The following SLC16A7 variants were observed in gnomAD, a reference collection of about 807,000 sequenced individuals.
The protein encoded by SLC16A7 is monocarboxylate transporter 2.
SLC16A7 carries 33 observed loss-of-function variants against 34.9 expected under a neutral mutation model. That is an observed-to-expected ratio of 0.94 (90% CI 0.72 to 1.26). SLC16A7 has a LOEUF of 1.26. Among genes scored for constraint, SLC16A7 ranks in the 50% most tolerant of loss-of-function variants. The pLI is 0.00. For missense variants in SLC16A7, 573 were observed against 578.1 expected, an observed-to-expected ratio of 0.99 and a Z score of 0.09; for synonymous variants, 201 against 206.6, an observed-to-expected ratio of 0.97 and a Z score of 0.23.
intron 2 of SLC16A7, among the ~76,000 whole-genome samples, chr12:59,663,560 G>A (rs1041762307): frequency 7.9e-5 from 12 of 151,924 alleles, no homozygotes; most frequent in African/African-American, 1.2e-4. Flanking sequence ...ACCTTGTTTC[G>A]TTGGGACAAA....
chr12:59,737,871 A>G (rs943870344), intron 3 of SLC16A7, among the ~76,000 whole-genome samples: 1 of 152,212 alleles, frequency 6.6e-6, no homozygotes, highest in African/African-American at 2.4e-5. Flanking sequence ...CCAATGGTTT[A>G]GCATATCAGC....
intron 3 of SLC16A7, among the ~76,000 whole-genome samples, chr12:59,746,915 C>T (rs1171507780): frequency 3.3e-5 from 5 of 152,148 alleles, no homozygotes; most frequent in Non-Finnish European, 7.3e-5. Flanking sequence ...TTGCTGCAGT[C>T]TCAAACTCTT....
At chr12:59,684,810 G>A (rs543583207) in intron 2 of SLC16A7, among the ~76,000 whole-genome samples, 1 of 152,200 alleles carries the variant, frequency 6.6e-6, no homozygotes, top group East Asian at 1.9e-4. Flanking sequence ...TTGATGCCTG[G>A]CATTATTGAT....
At chr12:59,674,801 A>G (rs916528137) in intron 2 of SLC16A7, among the ~76,000 whole-genome samples, 1 of 152,200 alleles carries the variant, frequency 6.6e-6, no homozygotes, top group Non-Finnish European at 1.5e-5. Context: ...TCAAGATAGA[A>G]GTCATGCTAC....
Position 59,783,402 on chromosome 12 carries a change from G to C in SLC16A7, c.*3723G>C, listed in dbSNP as rs1422172112. The C allele has an allele frequency of 6.6e-6, 1 of 152,068 alleles. No homozygotes were observed. Among genetic ancestry groups the C allele is most frequent in the African/African-American group, 2.4e-5 (1 of 41,414 alleles). 9.4% of individuals were successfully genotyped at this position (152,068 alleles called of 1,614,324 possible). A position where few individuals can be genotyped will look rare whatever the true frequency, so the allele number is the denominator to read the frequency against. On this transcript the variant is annotated 3_prime_UTR_variant, in exon 6 of 6. Transcript: ENST00000547379. ...AAACAAGCTCAGCAGACTACCCAAA[G>C]TTAAAAGGTAGTATGAACCAAAATT...
rs1883517416 is a variant in SLC16A7, at chr12:59,785,084, C to T, written c.*5405C>T. 1 of 152,244 alleles carries T rather than the reference C, an allele frequency of 6.6e-6. No individual in the cohort carries two copies. The highest frequency in any genetic ancestry group is 6.5e-5 in the Admixed American group (1 of 15,280). 9.4% of individuals were successfully genotyped at this position (152,244 alleles called of 1,614,324 possible). A position where few individuals can be genotyped will look rare whatever the true frequency, so the allele number is the denominator to read the frequency against. On this transcript the variant is annotated 3_prime_UTR_variant, in exon 6 of 6. Coordinates refer to ENST00000547379, the MANE Select transcript of SLC16A7 (RefSeq NM_001270623.2). ...GATTTCTGCACAACCATATGCAGAA[C>T]TCATGTTTGAGAAGGCACTTAAAAG...
chr12:59,625,886 T>A (rs1035209188), intron 1 of SLC16A7, among the ~76,000 whole-genome samples: 2 of 151,668 alleles, frequency 1.3e-5, no homozygotes, highest in Non-Finnish European at 2.9e-5. Context: ...GGGGAAAAAA[T>A]TACCATATAA....
chr12:59,704,206 AAAAAAAAAAAAAG>A (rs1873249033), intron 2 of SLC16A7, among the ~76,000 whole-genome samples: 1 of 146,812 alleles, frequency 6.8e-6, no homozygotes. Context: ...TCTCAAAAAA[AAAAAAAAAAAAAG>A]AAAAAGAAAA....
At chr12:59,625,253 C>T (rs1879876950) in intron 1 of SLC16A7, among the ~76,000 whole-genome samples, 1 of 151,724 alleles carries the variant, frequency 6.6e-6, no homozygotes, top group Admixed American at 6.6e-5. Context: ...TCATGGACTA[C>T]CAATTTTCCA....
At chr12:59,654,113 A>T (rs750070647) in intron 1 of SLC16A7, among the ~76,000 whole-genome samples, 1 of 151,324 alleles carries the variant, frequency 6.6e-6, no homozygotes. Flanking sequence ...ATTAATAATT[A>T]TATTTTAATC....
At chr12:59,692,600 C>A (rs949427795) in intron 2 of SLC16A7, among the ~76,000 whole-genome samples, 2 of 151,916 alleles carry the variant, frequency 1.3e-5, no homozygotes, top group African/African-American at 4.8e-5. Flanking sequence ...AGGTGTACTT[C>A]CAATTCTTCA....
At chr12:59,704,199 C>CAAAAAAAAAAAAAAAAAAA (rs34021022) in intron 2 of SLC16A7, among the ~76,000 whole-genome samples, 4 of 51,604 alleles carry the variant, frequency 7.8e-5, no homozygotes, top group East Asian at 5.8e-4. Flanking sequence ...GACTCTGTCT[C>CAAAAAAAAAAAAAAAAAAA]AAAAAAAAAA....
At chr12:59,608,902 C>T (rs1452231382) in intron 1 of SLC16A7, among the ~76,000 whole-genome samples, 1 of 152,048 alleles carries the variant, frequency 6.6e-6, no homozygotes, top group Non-Finnish European at 1.5e-5. Context: ...TTTTAAATGC[C>T]TAGAAACCTA....
chr12:59,762,014 C>A (rs1022591941), intron 3 of SLC16A7, among the ~76,000 whole-genome samples: 4 of 152,016 alleles, frequency 2.6e-5, no homozygotes, highest in African/African-American at 9.7e-5. Flanking sequence ...TTCCATCTTT[C>A]TTTGGGCCCT....
Position 59,596,332 on chromosome 12 carries a change from G to A in SLC16A7, c.-130+96G>A, listed in dbSNP as rs916343090. 6.5e-6 allele frequency: 1 copy of A among 152,946 alleles called. No individual in the cohort carries two copies. Among genetic ancestry groups the A allele is most frequent in the South Asian group, 2.1e-4 (1 of 4,836 alleles). The allele number at this position is 152,946 out of a possible 1,614,324, so 9.5% of individuals were successfully genotyped here. On this transcript the variant is annotated intron_variant, in intron 1 of 5. Transcript: ENST00000547379. The surrounding 1 kb of genome is among the most constrained non-coding windows in gnomAD (Gnocchi z 5.0). ...CCTGCGTCTGCGACCCGAGCTGCCC[G>A]CGGAGCCGCACGCGTGTGTGCAAAT...
At chr12:59,692,271 C>G (rs1871753995) in intron 2 of SLC16A7, among the ~76,000 whole-genome samples, 1 of 151,966 alleles carries the variant, frequency 6.6e-6, no homozygotes, top group Admixed American at 6.6e-5. Context: ...TAGGGCCCAC[C>G]TGGGTAATCC....
chr12:59,699,346 G>C (rs1049481694), intron 2 of SLC16A7, among the ~76,000 whole-genome samples: 16 of 151,532 alleles, frequency 1.1e-4, no homozygotes, highest in African/African-American at 3.9e-4. Context: ...CTAACTACAT[G>C]AAAAGATACT....
chr12:59,751,008 C>T (rs926364048), intron 3 of SLC16A7, among the ~76,000 whole-genome samples: 5 of 116,448 alleles, frequency 4.3e-5, no homozygotes, highest in Non-Finnish European at 8.3e-5. Flanking sequence ...GGGAGTTGAA[C>T]AATAAGAAAA....
chr12:59,774,945 A>T lies in SLC16A7; in HGVS notation c.650A>T (p.Asp217Val). The T allele has an allele frequency of 1.9e-6, 3 of 1,613,990 alleles. No individual in the cohort carries two copies. The highest frequency in any genetic ancestry group is 2.5e-6 in the Non-Finnish European group (3 of 1,179,952). Reference protein sequence around the residue: ...SKNKTGKTEDDSSPKKIKTKK... With the variant: ...SKNKTGKTEDVSSPKKIKTKK... ...AATAAGACTGGCAAAACAGAAGATG[A>T]TTCAAGCCCAAAGAAAATCAAAACG... Residue 217 changes from aspartate to valine, a missense_variant, in exon 5 of 6, where the codon GAT (aspartate) becomes GTT (valine). Coordinates refer to ENST00000547379, the MANE Select transcript of SLC16A7 (RefSeq NM_001270623.2).
Sources: gnomAD v4.1 joint callset for allele counts (sites outside exome capture counted in the v4.1 genomes callset) on GRCh38, gnomAD v4.1.1 for gene constraint, Gnocchi (gnomAD v3.1) non-coding constraint, MANE v1.5 for transcripts, NCBI Gene and HGNC (gene_info 2026-07-23, HGNC 2026-07-21) for gene names.